GAS6: variants seen among roughly 807,000 people sequenced by gnomAD.
GAS6 encodes the protein growth arrest specific 6, also known as growth arrest-specific protein 6.
GAS6 carries 41 observed loss-of-function variants against 75.8 expected under a neutral mutation model. The ratio of observed to expected loss-of-function variants is 0.54; its 90% CI spans 0.42 to 0.70. The LOEUF (loss-of-function observed/expected upper bound fraction) is 0.70. Among genes scored for constraint, GAS6 ranks in the 30% least tolerant of loss-of-function variants. GAS6 has a pLI of 0.00. For synonymous variants in GAS6, 432 were observed against 412.6 expected (o/e 1.05, Z -0.57); for missense variants, 854 against 940.2 (o/e 0.91, Z 1.20).
At position 113,832,664 on chromosome 13, in the gene GAS6, C is replaced by A. The variant is rs145302934; in HGVS notation, c.923G>T (p.Arg308Leu). Residue 308 changes from arginine to leucine, a missense_variant, in exon 9 of 15, where the codon CGA (arginine) becomes CTA (leucine). Transcript: ENST00000327773. ...GRMFSGTPVI[R>L]LRFKRLQPTR... ...GGGCTGCAGCCTCTTGAAGCGCAGT[C>A]GGATCACGGGGGTCCCACTGAACAT... 6.2e-7 allele frequency: 1 copy of A among 1,612,646 alleles called. No homozygotes were observed. The highest frequency in any genetic ancestry group is 8.5e-7 in the Non-Finnish European group (1 of 1,179,968).
intron 4 of GAS6, chr13:113,841,969 C>T (rs2051787112): frequency 8.0e-6 from 1 of 124,706 alleles, no homozygotes; most frequent in Non-Finnish European, 1.7e-5. Context: ...CTCCATACGC[C>T]TCAATTTTCT....
In GAS6 at chr13:113,822,331, C is replaced by T. The variant is rs140423648; in HGVS notation, c.1654-145G>A. 1,130 of 592,706 alleles carry T rather than the reference C, an allele frequency of 1.9e-3. 3 individuals carry two copies. Among genetic ancestry groups the T allele is most frequent in the Non-Finnish European group, 2.8e-3 (991 of 359,094 alleles). 36.7% of individuals were successfully genotyped at this position (592,706 alleles called of 1,614,324 possible). On this transcript the variant is annotated intron_variant, in intron 13 of 14. Coordinates refer to ENST00000327773, the MANE Select transcript of GAS6 (RefSeq NM_000820.4). ...TTCCCTGCAGCCCTGGGTCTGGATG[C>T]TCGCTGACTGTGGATGACACCCCCA...
At position 113,853,384 on chromosome 13, in the gene GAS6, G is replaced by C. The variant is rs541796353; in HGVS notation, c.256-5334C>G. ...TCATCCTTGGGCCACAGTCCCCGCA[G>C]AGCTGCAGTGAGGATCAGAGGTCAG... On this transcript the variant is annotated intron_variant, in intron 2 of 14. Coordinates refer to ENST00000327773, the MANE Select transcript of GAS6 (RefSeq NM_000820.4). Among the ~76,000 whole-genome samples the C allele has an allele frequency of 5.3e-5, 8 of 152,368 alleles. No individual in the cohort carries two copies. In the South Asian group the frequency reaches 1.7e-3, roughly 32 times the overall value.
At chr13:113,841,762 G>GC (rs1327369112) in intron 4 of GAS6, 1 of 32,508 alleles carries the variant, frequency 3.1e-5, no homozygotes, top group South Asian at 1.5e-3. Flanking sequence ...TCCTCCATAC[G>GC]CCCCCCAGTT....
At chr13:113,829,361 G>GATCTGACCTCAGGGAGACC (rs1566357462) in intron 10 of GAS6, among the ~76,000 whole-genome samples, 2 of 148,418 alleles carry the variant, frequency 1.3e-5, no homozygotes, top group Non-Finnish European at 3.0e-5. Flanking sequence ...GGCCAAGAGG[G>GATCTGACCTCAGGGAGACC]ACCTGACCTC....
intron 12 of GAS6, among the ~76,000 whole-genome samples, chr13:113,825,329 C>T (rs776616254): frequency 4.6e-5 from 7 of 152,078 alleles, no homozygotes; most frequent in Non-Finnish European, 7.4e-5. Flanking sequence ...CCTCTGCTCT[C>T]CCCGGGAAGG....
At chr13:113,835,436 C>T (rs190288287) in intron 7 of GAS6, 77 bp downstream of exon 7, 29 of 1,537,628 alleles carry the variant, frequency 1.9e-5, no homozygotes, top group Middle Eastern at 1.8e-4. Flanking sequence ...TGTTAGCAAC[C>T]GGCTCGGGCA....
Position 113,863,489 on chromosome 13 carries a change from G to T in GAS6, c.255+86C>A. The T allele has an allele frequency of 7.5e-7, 1 of 1,327,408 alleles. No homozygotes were observed. The highest frequency in any genetic ancestry group is 9.8e-7 in the Non-Finnish European group (1 of 1,022,744). The allele number at this position is 1,327,408 out of a possible 1,614,324, so 82.2% of individuals were successfully genotyped here. On this transcript the variant is annotated intron_variant, in intron 2 of 14. Coordinates refer to ENST00000327773, the MANE Select transcript of GAS6 (RefSeq NM_000820.4). This position sits in a 1 kb window ranked among gnomAD's most constrained non-coding sequence, Gnocchi z 9.4. ...CCAGGCCTCGCCGCGCGGAGCTGGG[G>T]GGCGGCAGCAGCGCTGCCTCTCGGG...
At chr13:113,826,085 A>C (rs1033809558) in intron 12 of GAS6, among the ~76,000 whole-genome samples, 4 of 152,102 alleles carry the variant, frequency 2.6e-5, no homozygotes, top group African/African-American at 9.7e-5. Flanking sequence ...GAGCAGTAAC[A>C]CTATCCTCAC....
intron 13 of GAS6, chr13:113,822,507 A>G: frequency 3.8e-6 from 1 of 261,458 alleles, no homozygotes; most frequent in East Asian, 7.1e-5. Flanking sequence ...GCACTTGACC[A>G]GGAACTGGGG....
intron 2 of GAS6, among the ~76,000 whole-genome samples, chr13:113,858,919 CTG>C (rs534878119): frequency 1.3e-5 from 2 of 148,434 alleles, no homozygotes; most frequent in African/African-American, 2.5e-5. Flanking sequence ...GTGTACATGT[CTG>C]TTAGTATGTG....
chr13:113,844,899 G>T lies in GAS6; in HGVS notation c.343+1628C>A, dbSNP rs2051822024. ...AAGAAATTACGGGCGGGTCACAGAT[G>T]AAAACACCTAACAGCAGGTAACTGT... On this transcript the variant is annotated intron_variant, in intron 4 of 14. Transcript: ENST00000327773. The surrounding 1 kb of genome is among the most constrained non-coding windows in gnomAD (Gnocchi z 5.7). 6.6e-6 allele frequency: 1 copy of T among 150,820 alleles called. No homozygotes were observed. Among genetic ancestry groups the T allele is most frequent in the Non-Finnish European group, 1.5e-5 (1 of 68,020 alleles). The allele number at this position is 150,820 out of a possible 1,614,324, so 9.3% of individuals were successfully genotyped here.
At chr13:113,832,977 G>A (rs754905282) in intron 8 of GAS6, 14 of 1,433,852 alleles carry the variant, frequency 9.8e-6, no homozygotes, top group Non-Finnish European at 1.3e-5. Context: ...CTTCTCGGGG[G>A]TCCCCGTCAT....
At chr13:113,827,972 T>C (rs865860553) in intron 11 of GAS6, among the ~76,000 whole-genome samples, 9 of 152,204 alleles carry the variant, frequency 5.9e-5, no homozygotes, top group South Asian at 2.1e-4. Context: ...AAAAGTTTAC[T>C]GTTCTGTTAA....
intron 14 of GAS6, chr13:113,821,605 G>A (rs1436288881): frequency 3.2e-6 from 1 of 313,404 alleles, no homozygotes. Flanking sequence ...CAGCTGCGGT[G>A]ACAGCCGCGG....
At chr13:113,847,811 C>T (rs1263067816) in intron 3 of GAS6, 5 of 600,390 alleles carry the variant, frequency 8.3e-6, no homozygotes, top group South Asian at 1.8e-5. Context: ...ACAGCATTCA[C>T]CTGAGGTTCC....
chr13:113,826,027 G>A (rs956128265), intron 12 of GAS6, among the ~76,000 whole-genome samples: 1 of 152,172 alleles, frequency 6.6e-6, no homozygotes, highest in Non-Finnish European at 1.5e-5. Context: ...GGGCTGTGGT[G>A]CCCCAGTGGG....
chr13:113,822,090 C>G lies in GAS6; in HGVS notation c.1750G>C (p.Gly584Arg), dbSNP rs568667737. The change falls in exon 14 of 15, where the codon GGT (glycine) becomes CGT (arginine). Residue 584 changes from glycine (G) to arginine (R), a missense_variant. Physicochemically the swap from Gly to Arg is moderately radical, Grantham distance 125. Coordinates refer to ENST00000327773, the MANE Select transcript of GAS6 (RefSeq NM_000820.4). ...CCGTCCACCTCCAGGGTGGCCTCAC[C>G]GTCCCTCAGCGAGACGGTGACCACG... The part of the protein sequence containing the change: ...EHVVTVSLRD[G>R]EATLEVDGTR... 6 of 1,597,376 alleles carry G rather than the reference C, an allele frequency of 3.8e-6. No homozygotes were observed. In the South Asian group the frequency reaches 5.7e-5, roughly 15 times the overall value.
rs746495396 is a variant in GAS6 at position 113,820,823 on chromosome 13, C to A, written c.*41G>T. The A allele has an allele frequency of 1.5e-5, 24 of 1,594,548 alleles. No homozygotes were observed. Among genetic ancestry groups the A allele is most frequent in the Non-Finnish European group, 2.0e-5 (24 of 1,173,938 alleles). ...GAGCCCCCAGGCTCCTCCCGGCTGT[C>A]TCGGACAGAGACTGAGAAGCCTGCC... On this transcript the variant is annotated 3_prime_UTR_variant, in exon 15 of 15. Transcript: ENST00000327773.
Sources: gnomAD v4.1 joint callset for allele counts (sites outside exome capture counted in the v4.1 genomes callset) on GRCh38, gnomAD v4.1.1 for gene constraint, Gnocchi (gnomAD v3.1) non-coding constraint, MANE v1.5 for transcripts, NCBI Gene and HGNC (gene_info 2026-07-23, HGNC 2026-07-21) for gene names.